The following ATP6V1H variants were observed in gnomAD, a reference collection of about 807,000 sequenced individuals.
The protein encoded by ATP6V1H is V-type proton ATPase subunit H.
A neutral mutation model predicts 71.7 loss-of-function variants in ATP6V1H; 39 were observed. The ratio of observed to expected loss-of-function variants is 0.54; its 90% CI spans 0.42 to 0.71. The LOEUF is 0.71. ATP6V1H is among the 30% of genes least tolerant of loss of function. The pLI is 0.00. For missense variants in ATP6V1H, 509 were observed against 594.9 expected (o/e 0.86, Z 1.50); for synonymous variants, 192 against 199.3 (o/e 0.96, Z 0.31).
intron 4 of ATP6V1H, among the ~76,000 whole-genome samples, chr8:53,822,427 CTG>C (rs768202822): frequency 4.6e-5 from 7 of 151,984 alleles, no homozygotes; most frequent in Admixed American, 4.6e-4. Context: ...AGTTCATTGA[CTG>C]TTGCAAATAA....
chr8:53,827,844 T>A (rs958700779), intron 4 of ATP6V1H, among the ~76,000 whole-genome samples: 2 of 152,182 alleles, frequency 1.3e-5, no homozygotes, highest in African/African-American at 4.8e-5. Context: ...CTCCCACTTA[T>A]AATTGAAAAC....
intron 13 of ATP6V1H, among the ~76,000 whole-genome samples, chr8:53,729,969 C>T (rs904112628): frequency 1.3e-5 from 2 of 152,192 alleles, no homozygotes. Context: ...CATACCCAAA[C>T]CATGTCAGCT....
At chr8:53,780,304 A>T (rs1394273954) in intron 9 of ATP6V1H, among the ~76,000 whole-genome samples, 2 of 152,194 alleles carry the variant, frequency 1.3e-5, no homozygotes. Flanking sequence ...CATTTCAAAG[A>T]TTAGTCATTT....
intron 9 of ATP6V1H, among the ~76,000 whole-genome samples, chr8:53,777,397 G>C (rs1808931432): frequency 6.6e-6 from 1 of 151,716 alleles, no homozygotes; most frequent in South Asian, 2.1e-4. Context: ...CGATGGAGAT[G>C]ATTTTGCTGA....
At chr8:53,779,991 T>G (rs1373328845) in intron 9 of ATP6V1H, among the ~76,000 whole-genome samples, 1 of 151,986 alleles carries the variant, frequency 6.6e-6, no homozygotes, top group African/African-American at 2.4e-5. Flanking sequence ...AAACCCCACC[T>G]GTACTAAAAA....
rs150061650 is a variant in ATP6V1H at position 53,797,809 on chromosome 8, A to G, written c.678-1970T>C. Among the ~76,000 whole-genome samples the G allele has an allele frequency of 2.2e-3, 338 of 152,218 alleles. 2 individuals carry two copies. The highest frequency in any genetic ancestry group is 7.9e-3 in the African/African-American group (327 of 41,524). On this transcript the variant is annotated intron_variant, in intron 8 of 13. Coordinates refer to ENST00000359530, the MANE Select transcript of ATP6V1H (RefSeq NM_015941.4). ...GAGCCAGGAATTTGAGGCTAGCCTGAGCAACATGGCAAAACCCCATCTCTA... is the reference window on the plus strand; with the variant it reads ...GAGCCAGGAATTTGAGGCTAGCCTGGGCAACATGGCAAAACCCCATCTCTA...
intron 13 of ATP6V1H, 32 bp from the exon 14 acceptor site, chr8:53,716,056 G>C: frequency 7.0e-6 from 11 of 1,562,430 alleles, no homozygotes; most frequent in Non-Finnish European, 9.6e-6. Context: ...AGGAGAATGA[G>C]AATTTCAATA....
chr8:53,783,642 A>G (rs1420867153), intron 9 of ATP6V1H, among the ~76,000 whole-genome samples: 3 of 152,068 alleles, frequency 2.0e-5, no homozygotes, highest in Non-Finnish European at 4.4e-5. Flanking sequence ...TTAGGGTGTC[A>G]ATTTTAGATC....
intron 9 of ATP6V1H, among the ~76,000 whole-genome samples, chr8:53,775,904 C>A (rs561659528): frequency 6.6e-6 from 1 of 152,372 alleles, no homozygotes; most frequent in South Asian, 2.1e-4. Flanking sequence ...CGCTCGCACT[C>A]CTCAGCCCTT....
intron 4 of ATP6V1H, among the ~76,000 whole-genome samples, chr8:53,823,564 A>G (rs1392055115): frequency 6.6e-6 from 1 of 152,184 alleles, no homozygotes; most frequent in South Asian, 2.1e-4. Flanking sequence ...TGCAACCTCC[A>G]CCTCTCAGGT....
intron 9 of ATP6V1H, among the ~76,000 whole-genome samples, chr8:53,788,795 A>G (rs1467935197): frequency 1.3e-5 from 2 of 152,140 alleles, no homozygotes; most frequent in Non-Finnish European, 2.9e-5. Flanking sequence ...CAGTTACACT[A>G]CTCTATTTCT....
chr8:53,769,814 AT>A, intron 10 of ATP6V1H, 71 bp from the exon 11 acceptor site: 4 of 1,320,104 alleles, frequency 3.0e-6, no homozygotes, highest in African/African-American at 1.5e-5. Context: ...GCAAAATAAA[AT>A]GTCTTCACTT....
At chr8:53,737,670 C>A (rs1200944307) in intron 13 of ATP6V1H, among the ~76,000 whole-genome samples, 4 of 152,150 alleles carry the variant, frequency 2.6e-5, no homozygotes, top group Non-Finnish European at 5.9e-5. Flanking sequence ...CACTTTGGCA[C>A]CTTTATGCTG....
chr8:53,832,716 G>GA (rs1206238470), intron 3 of ATP6V1H: 2 of 264,870 alleles, frequency 7.6e-6, no homozygotes, highest in African/African-American at 4.4e-5. Context: ...ATACCAAGTG[G>GA]AAAAAATTCT....
chr8:53,828,927 G>T (rs1445944188), intron 4 of ATP6V1H, among the ~76,000 whole-genome samples: 1 of 152,078 alleles, frequency 6.6e-6, no homozygotes, highest in African/African-American at 2.4e-5. Context: ...GAATAAAGGA[G>T]GCCTCTCCTT....
intron 9 of ATP6V1H, among the ~76,000 whole-genome samples, chr8:53,783,117 G>C (rs1809227713): frequency 6.6e-6 from 1 of 152,164 alleles, no homozygotes; most frequent in South Asian, 2.1e-4. Flanking sequence ...AGAAGGAATG[G>C]TACCAGCTCC....
chr8:53,765,454 AACAC>A (rs59822523), intron 11 of ATP6V1H, among the ~76,000 whole-genome samples: 6,256 of 73,698 alleles, frequency 0.085, 346 homozygotes, highest in Middle Eastern at 0.13. Context: ...CAACAACAAC[AACAC>A]ACACACACAC....
At chr8:53,780,950 T>A (rs1438150153) in intron 9 of ATP6V1H, among the ~76,000 whole-genome samples, 1 of 152,246 alleles carries the variant, frequency 6.6e-6, no homozygotes, top group African/African-American at 2.4e-5. Context: ...TTGTTGGACA[T>A]CTGGGTTGGT....
chr8:53,720,620 TTAAAAC>T (rs1487218274), intron 13 of ATP6V1H, among the ~76,000 whole-genome samples: 1 of 152,250 alleles, frequency 6.6e-6, no homozygotes, highest in Non-Finnish European at 1.5e-5. Flanking sequence ...AAATGTTTCT[TTAAAAC>T]TATAATTGAA....
Sources: allele counts gnomAD v4.1 joint callset (sites outside exome capture counted in the v4.1 genomes callset), GRCh38; gene constraint gnomAD v4.1.1; transcripts MANE v1.5; gene names NCBI Gene and HGNC (gene_info 2026-07-23, HGNC 2026-07-21).